LRRC49: variants seen among roughly 807,000 people sequenced by gnomAD.
The protein encoded by LRRC49 is leucine-rich repeat-containing protein 49.
In LRRC49, 50 loss-of-function variants were observed where a neutral mutation model predicts 83.3. That is an observed-to-expected ratio of 0.60 (90% CI 0.48 to 0.76). LRRC49 has a LOEUF of 0.76. Among genes scored for constraint, LRRC49 ranks in the 30% least tolerant of loss-of-function variants. The pLI is 0.00. For missense variants in LRRC49, 704 were observed against 809.1 expected, an observed-to-expected ratio of 0.87 and a Z score of 1.58; for synonymous variants, 286 against 283.3, an observed-to-expected ratio of 1.01 and a Z score of -0.10.
intron 7 of LRRC49, among the ~76,000 whole-genome samples, chr15:70,933,181 T>C (rs1043666142): frequency 6.6e-6 from 1 of 152,196 alleles, no homozygotes; most frequent in African/African-American, 2.4e-5. Flanking sequence ...TTTTTCTATT[T>C]TTTAAAAGAT....
intron 7 of LRRC49, among the ~76,000 whole-genome samples, chr15:70,923,930 TAC>T (rs1162224370): frequency 6.6e-6 from 1 of 151,946 alleles, no homozygotes; most frequent in African/African-American, 2.4e-5. Context: ...ATAACAACAG[TAC>T]CACTATCAAA....
intron 15 of LRRC49, among the ~76,000 whole-genome samples, chr15:71,039,390 C>G (rs1366700377): frequency 6.6e-6 from 1 of 152,222 alleles, no homozygotes; most frequent in Admixed American, 6.5e-5. Flanking sequence ...ACAGCTGGTT[C>G]TATGAGTGAA....
intron 7 of LRRC49, among the ~76,000 whole-genome samples, chr15:70,932,361 T>A (rs1284195863): frequency 6.6e-6 from 1 of 152,230 alleles, no homozygotes; most frequent in Non-Finnish European, 1.5e-5. Context: ...ATTAATTTAA[T>A]AAGTCTTTTT....
chr15:70,881,151 C>T (rs994341125), intron 2 of LRRC49, among the ~76,000 whole-genome samples: 72 of 152,128 alleles, frequency 4.7e-4, no homozygotes, highest in African/African-American at 1.7e-3. Flanking sequence ...ATCGTCTGAG[C>T]CCAGGAGTTT....
At chr15:70,971,528 A>G (rs561963384) in intron 9 of LRRC49, among the ~76,000 whole-genome samples, 2 of 152,090 alleles carry the variant, frequency 1.3e-5, no homozygotes, top group South Asian at 4.2e-4. Flanking sequence ...ATCCTTGTTA[A>G]TTTTCTGTCT....
At chr15:70,972,955 TG>T (rs1307887111) in intron 9 of LRRC49, among the ~76,000 whole-genome samples, 4 of 152,108 alleles carry the variant, frequency 2.6e-5, no homozygotes, top group African/African-American at 4.8e-5. Context: ...TGGAGGAGTT[TG>T]TTACTACCCA....
At chr15:70,869,489 C>A (rs539759871) in intron 1 of LRRC49, among the ~76,000 whole-genome samples, 7 of 152,276 alleles carry the variant, frequency 4.6e-5, no homozygotes, top group African/African-American at 1.4e-4. Context: ...CTATCAAACA[C>A]TGTACTGCTA....
rs115600202 is a variant in LRRC49, at chr15:70,942,871, A to G, written c.773+6049A>G. Among the ~76,000 whole-genome samples the G allele has an allele frequency of 1.8e-3, 277 of 152,372 alleles. 2 individuals are homozygous for G. The highest frequency in any genetic ancestry group is 6.6e-3 in the African/African-American group (273 of 41,586). On this transcript the variant is annotated intron_variant, in intron 8 of 15. Coordinates refer to ENST00000260382, the MANE Select transcript of LRRC49 (RefSeq NM_017691.5). ...CCTAACTCATTTATGAAAAGGTAAG[A>G]TAGCCCTCTGTCAGAAGCAAAAATA...
intron 9 of LRRC49, among the ~76,000 whole-genome samples, chr15:70,976,155 A>G (rs1442105263): frequency 1.3e-5 from 2 of 152,234 alleles, no homozygotes; most frequent in Non-Finnish European, 2.9e-5. Flanking sequence ...AAGTTGTTAC[A>G]GCAGCATAAC....
chr15:71,019,126 G>A (rs2038915934), intron 14 of LRRC49, among the ~76,000 whole-genome samples: 2 of 152,098 alleles, frequency 1.3e-5, no homozygotes, highest in African/African-American at 4.8e-5. Flanking sequence ...TTTTTGTGGA[G>A]ACATCATTAT....
At chr15:71,031,299 T>G (rs2141289996) in intron 14 of LRRC49, among the ~76,000 whole-genome samples, 1 of 152,346 alleles carries the variant, frequency 6.6e-6, no homozygotes, top group East Asian at 1.9e-4. Context: ...CTCCAGTCCC[T>G]GTTCACCTGG....
At chr15:70,951,982 G>T (rs28823128) in intron 8 of LRRC49, among the ~76,000 whole-genome samples, 1 of 152,068 alleles carries the variant, frequency 6.6e-6, no homozygotes, top group Non-Finnish European at 1.5e-5. Context: ...AAGGGATGAT[G>T]AATTTTTTTG....
At chr15:70,856,845 C>G (rs764781560) in intron 1 of LRRC49, among the ~76,000 whole-genome samples, 3 of 152,192 alleles carry the variant, frequency 2.0e-5, no homozygotes, top group Admixed American at 1.3e-4. Context: ...TAGTCCTACC[C>G]ACATACCCAT....
chr15:70,889,246 G>C (rs1278090253), upstream of LRRC49, among the ~76,000 whole-genome samples: 1 of 152,074 alleles, frequency 6.6e-6, no homozygotes, highest in African/African-American at 2.4e-5. Flanking sequence ...ACATAATAAT[G>C]AAAATGAACT....
rs1292864023 is a variant in LRRC49, at chr15:70,899,377, GGTTTTTGTTTT to G, written c.194-1533_194-1523del. ...TTAGACTGCAGTCAGTCTTTAGACT[GGTTTTTGTTTT>G]GTTTTTGTTTTTTTAACCATCTTGA... On this transcript the variant is annotated intron_variant, in intron 3 of 15. Coordinates refer to ENST00000260382, the MANE Select transcript of LRRC49 (RefSeq NM_017691.5). Among the ~76,000 whole-genome samples, 8 of 152,054 alleles carry G rather than the reference GGTTTTTGTTTT, an allele frequency of 5.3e-5. No individual in the cohort carries two copies. The South Asian group carries it at 1.0e-3, about 20-fold the overall frequency.
intron 15 of LRRC49, among the ~76,000 whole-genome samples, chr15:71,047,259 C>G (rs1349059914): frequency 6.6e-6 from 1 of 152,082 alleles, no homozygotes; most frequent in African/African-American, 2.4e-5. Context: ...TAGCATTGAA[C>G]TGTAAATTAC....
intron 15 of LRRC49, among the ~76,000 whole-genome samples, chr15:71,040,541 CG>C (rs1596175515): frequency 1.3e-5 from 2 of 152,168 alleles, no homozygotes; most frequent in East Asian, 3.9e-4. Flanking sequence ...TTCAAGCGGC[CG>C]GGCGCGGTGG....
chr15:70,875,435 T>G (rs987921668), intron 2 of LRRC49, among the ~76,000 whole-genome samples: 4 of 152,206 alleles, frequency 2.6e-5, no homozygotes, highest in Admixed American at 2.6e-4. Context: ...TTAGCATACA[T>G]TTAATTCTCA....
intron 8 of LRRC49, among the ~76,000 whole-genome samples, chr15:70,947,755 A>G (rs2036060687): frequency 6.6e-6 from 1 of 152,180 alleles, no homozygotes; most frequent in Admixed American, 6.5e-5. Context: ...TTAAATGCAC[A>G]TTACAGTCTG....
Sources: gnomAD v4.1 joint callset for allele counts (sites outside exome capture counted in the v4.1 genomes callset) on GRCh38, gnomAD v4.1.1 for gene constraint, MANE v1.5 for transcripts, NCBI Gene and HGNC (gene_info 2026-07-23, HGNC 2026-07-21) for gene names.